MEPE: variants seen among roughly 807,000 people sequenced by gnomAD.
MEPE encodes the protein matrix, extracellular phosphoglycoprotein with ASARM motif (bone).
A neutral mutation model predicts 7.3 loss-of-function variants in MEPE; 7 were observed. That is an observed-to-expected ratio of 0.95 (90% confidence interval 0.54 to 1.79). The LOEUF is 1.79. Ranked by LOEUF, MEPE falls within the 40% of genes most tolerant of loss-of-function variation. The pLI is 0.00. For missense variants in MEPE, 623 were observed against 628.2 expected (o/e 0.99, Z 0.09); for synonymous variants, 214 against 213.1 (o/e 1.00, Z -0.04).
chr4:87,845,009 T>G lies in MEPE; in HGVS notation c.141T>G (p.Phe47Leu). The G allele has an allele frequency of 6.3e-7, 1 of 1,585,192 alleles. No homozygotes were observed. Among genetic ancestry groups the G allele is most frequent in the Non-Finnish European group, 8.5e-7 (1 of 1,170,166 alleles). ...AAAAAAACAAAGACAATATTGGTTTTCACCATTTGGGCAAGAGAATAAATC... is the reference window on the plus strand; with the variant it reads ...AAAAAAACAAAGACAATATTGGTTTGCACCATTTGGGCAAGAGAATAAATC... Reference protein sequence around the residue: ...QEEKNKDNIGFHHLGKRINQE... With the variant: ...QEEKNKDNIGLHHLGKRINQE... The change falls in exon 4 of 4, where the codon TTT becomes TTG. Residue 47 changes from phenylalanine (F) to leucine (L), a missense_variant. Phe to Leu is a conservative substitution (Grantham distance 22, BLOSUM62 0). Coordinates refer to ENST00000361056, the MANE Select transcript of MEPE (RefSeq NM_020203.6).
chr4:87,830,417 T>C (rs1722569438), upstream of MEPE, among the ~76,000 whole-genome samples: 1 of 152,192 alleles, frequency 6.6e-6, no homozygotes, highest in African/African-American at 2.4e-5. Context: ...AAAGAGATCA[T>C]GTCCTTTGTG....
chr4:87,838,686 G>T lies in MEPE; in HGVS notation c.108+1G>T. 6.2e-7 allele frequency: 1 copy of T among 1,612,116 alleles called. No individual in the cohort carries two copies. Among genetic ancestry groups the T allele is most frequent in the Non-Finnish European group, 8.5e-7 (1 of 1,178,528 alleles). Reference sequence around the variant, plus strand: ...GCAAAGCTGTGTGGAAGAGCAGAGGGTAAACAGAATTCATCTTTTCAAATA... The same window carrying T: ...GCAAAGCTGTGTGGAAGAGCAGAGGTTAAACAGAATTCATCTTTTCAAATA... On this transcript the variant is annotated splice_donor_variant, in intron 3 of 3. Coordinates refer to ENST00000361056, the MANE Select transcript of MEPE (RefSeq NM_020203.6). LOFTEE classifies it high-confidence loss of function.
chr4:87,837,248 T>C (rs2110000991), intron 2 of MEPE, among the ~76,000 whole-genome samples: 1 of 152,142 alleles, frequency 6.6e-6, no homozygotes, highest in South Asian at 2.1e-4. Context: ...CCTAGGCCCC[T>C]GGCTGGGGGA....
chr4:87,822,950 G>A (rs547663184), intron 1 of MEPE, among the ~76,000 whole-genome samples: 1 of 152,196 alleles, frequency 6.6e-6, no homozygotes, highest in African/African-American at 2.4e-5. Flanking sequence ...AATCCATAAA[G>A]ACATGGTTGG....
chr4:87,829,865 C>CTTTTT (rs3037623), upstream of MEPE, among the ~76,000 whole-genome samples: 202 of 111,848 alleles, frequency 1.8e-3, 2 homozygotes, highest in South Asian at 0.014. Context: ...CACCCAAATC[C>CTTTTT]TTTTTTTTTT....
intron 2 of MEPE, among the ~76,000 whole-genome samples, chr4:87,835,768 C>A (rs1036401359): frequency 6.6e-6 from 1 of 152,150 alleles, no homozygotes; most frequent in Non-Finnish European, 1.5e-5. Flanking sequence ...CCTAGAGGCT[C>A]AGGTGCCTCT....
At chr4:87,825,666 T>C (rs533703605) in intron 1 of MEPE, among the ~76,000 whole-genome samples, 62 of 152,336 alleles carry the variant, frequency 4.1e-4, no homozygotes, top group Non-Finnish European at 8.5e-4. Context: ...GACCAACAAA[T>C]CCAGTTAATT....
In MEPE at chr4:87,825,282, T is replaced by C. The variant is rs138538089; in HGVS notation, c.-13+3811T>C. ...GGAAGCTTGATCTTGGTTCTAGCTG[T>C]AGGTTAGTTCTGTAAAATCAACAGC... is the stretch of plus-strand genomic sequence containing the variant. On this transcript the variant is annotated intron_variant, in intron 1 of 3. Transcript: ENST00000424957. 1.6e-3 allele frequency among the ~76,000 whole-genome samples: 239 copies of C among 152,352 alleles called. 1 individual carries two copies. The highest frequency in any genetic ancestry group is 5.2e-3 in the African/African-American group (215 of 41,576).
upstream of MEPE, among the ~76,000 whole-genome samples, chr4:87,828,034 C>T (rs996146702): frequency 6.6e-6 from 1 of 152,136 alleles, no homozygotes; most frequent in Non-Finnish European, 1.5e-5. Context: ...TGAATGAACA[C>T]GTTTAAAATG....
At chr4:87,842,426 T>C (rs1184495512) in intron 3 of MEPE, among the ~76,000 whole-genome samples, 2 of 152,060 alleles carry the variant, frequency 1.3e-5, no homozygotes, top group South Asian at 4.1e-4. Context: ...GCCAACAAAT[T>C]GAAGTGGTTG....
intron 1 of MEPE, among the ~76,000 whole-genome samples, chr4:87,827,165 T>C (rs1365778698): frequency 6.6e-6 from 1 of 152,210 alleles, no homozygotes; most frequent in Non-Finnish European, 1.5e-5. Flanking sequence ...TCTCTGACTG[T>C]GCCATTTGAG....
upstream of MEPE, among the ~76,000 whole-genome samples, chr4:87,829,865 C>CTTT (rs3037623): frequency 1.6e-4 from 18 of 111,850 alleles, no homozygotes; most frequent in African/African-American, 2.9e-4. Context: ...CACCCAAATC[C>CTTT]TTTTTTTTTT....
chr4:87,835,187 C>G (rs770250377), intron 2 of MEPE, among the ~76,000 whole-genome samples: 1 of 152,166 alleles, frequency 6.6e-6, no homozygotes, highest in South Asian at 2.1e-4. Context: ...GATAAAAATG[C>G]AAAGAGACAA....
At chr4:87,824,567 G>T (rs1722418082) in intron 1 of MEPE, among the ~76,000 whole-genome samples, 2 of 152,176 alleles carry the variant, frequency 1.3e-5, no homozygotes, top group Admixed American at 6.5e-5. Context: ...AACTTTATCT[G>T]CCAAAACAGG....
Position 87,846,424 on chromosome 4 carries a change from C to G in MEPE, c.1556C>G (p.Ser519Ter). Reference protein sequence around the residue: ...DSSESSDSGSSSESDGD With the variant: ...DSSESSDSGS Reference sequence around the variant, plus strand: ...AGTGAGTCATCTGACAGTGGCAGTTCAAGTGAGAGCGATGGTGACTAGTCC... The same window carrying G: ...AGTGAGTCATCTGACAGTGGCAGTTGAAGTGAGAGCGATGGTGACTAGTCC... Residue 519 changes from serine (S) to a stop codon, truncating the protein, a stop_gained, in exon 4 of 4, where the codon TCA (serine) becomes TGA (stop). Coordinates refer to ENST00000361056, the MANE Select transcript of MEPE (RefSeq NM_020203.6). LOFTEE classifies it high-confidence loss of function. 6.2e-7 allele frequency: 1 copy of G among 1,613,196 alleles called. No homozygotes were observed. The highest frequency in any genetic ancestry group is 1.3e-5 in the African/African-American group (1 of 74,974).
At chr4:87,840,499 C>T (rs980113006) in intron 3 of MEPE, among the ~76,000 whole-genome samples, 1 of 152,176 alleles carries the variant, frequency 6.6e-6, no homozygotes, top group Non-Finnish European at 1.5e-5. Context: ...CTACACCTAA[C>T]TATAAATAAG....
At chr4:87,839,617 T>A in intron 3 of MEPE, 1 of 1,123,418 alleles carries the variant, frequency 8.9e-7, no homozygotes, top group Non-Finnish European at 1.3e-6. Context: ...CTTATATTAT[T>A]ACAAAGAGCC....
At chr4:87,826,683 T>G (rs1722479145) in intron 1 of MEPE, among the ~76,000 whole-genome samples, 1 of 152,142 alleles carries the variant, frequency 6.6e-6, no homozygotes, top group African/African-American at 2.4e-5. Context: ...TAATAGTAAT[T>G]GTGACGTGTG....
chr4:87,830,855 T>C (rs1268986824), upstream of MEPE, among the ~76,000 whole-genome samples: 1 of 151,902 alleles, frequency 6.6e-6, no homozygotes, highest in Non-Finnish European at 1.5e-5. Flanking sequence ...TAGCTTGACC[T>C]AGAAAAGGCA....
Sources: allele counts gnomAD v4.1 joint callset (sites outside exome capture counted in the v4.1 genomes callset), GRCh38; gene constraint gnomAD v4.1.1; transcripts MANE v1.5; gene names NCBI Gene and HGNC (gene_info 2026-07-23, HGNC 2026-07-21).